Variants in SOX6 observed in about 807,000 individuals in gnomAD.
SOX6 encodes SRY-box transcription factor 6.
In SOX6, 11 loss-of-function variants were observed where a neutral mutation model predicts 97.8. That is an observed-to-expected ratio of 0.11 (90% confidence interval 0.07 to 0.19). The LOEUF (loss-of-function observed/expected upper bound fraction) is 0.19, where lower values mean the gene tolerates loss of function less well. Among genes scored for constraint, SOX6 ranks in the 10% least tolerant of loss-of-function variants. The pLI is 1.00. For missense variants in SOX6, 810 were observed against 1,039.5 expected (o/e 0.78, Z 3.04); for synonymous variants, 360 against 371.4 (o/e 0.97, Z 0.35).
chr11:16,356,692 G>A (rs2134368677), upstream of SOX6, among the ~76,000 whole-genome samples: 1 of 152,224 alleles, frequency 6.6e-6, no homozygotes, highest in Non-Finnish European at 1.5e-5. Context: ...TTTGACAGAT[G>A]AAATATAGAG....
intron 4 of SOX6, among the ~76,000 whole-genome samples, chr11:16,582,588 A>T (rs1347984361): frequency 6.6e-6 from 1 of 152,136 alleles, no homozygotes; most frequent in Non-Finnish European, 1.5e-5. Context: ...GTAAAATGAC[A>T]GAATTAGGAC....
intron 4 of SOX6, among the ~76,000 whole-genome samples, chr11:16,608,587 G>A (rs1848362550): frequency 6.6e-6 from 1 of 151,842 alleles, no homozygotes; most frequent in Admixed American, 6.5e-5. Context: ...AAACGATGGA[G>A]GAGGAGGCGT....
Position 16,427,510 on chromosome 11 carries a change from T to C in SOX6, c.-5+48805A>G, listed in dbSNP as rs530815016. ...CCCACCCCACAACAGGCCCAATGTG[T>C]GATGTTCCCCTTCCTGTGTCCATGT... On this transcript the variant is annotated intron_variant, in intron 1 of 15. Transcript: ENST00000396356. Among the ~76,000 whole-genome samples, 3 of 150,978 alleles carry C rather than the reference T, an allele frequency of 2.0e-5. No individual in the cohort carries two copies. The East Asian group carries it at 5.9e-4, about 30-fold the overall frequency.
chr11:16,009,404 C>T (rs941490479), intron 13 of SOX6, among the ~76,000 whole-genome samples: 5 of 151,970 alleles, frequency 3.3e-5, no homozygotes, highest in South Asian at 2.1e-4. Context: ...GATGGAACAA[C>T]CAGAATTTAA....
At chr11:16,650,968 A>C (rs1035102927) in intron 3 of SOX6, among the ~76,000 whole-genome samples, 3 of 152,154 alleles carry the variant, frequency 2.0e-5, no homozygotes. Flanking sequence ...AAAGAAATGC[A>C]AAAGATCATT....
intron 1 of SOX6, among the ~76,000 whole-genome samples, chr11:16,453,666 G>A (rs778530506): frequency 1.3e-5 from 2 of 152,084 alleles, no homozygotes; most frequent in Non-Finnish European, 2.9e-5. Flanking sequence ...TACAATTAGA[G>A]TTATATTGCT....
chr11:16,046,828 T>A, intron 11 of SOX6, 127 bp from the exon 12 acceptor site: 1 of 957,802 alleles, frequency 1.0e-6, no homozygotes, highest in Non-Finnish European at 1.6e-6. Flanking sequence ...TGCTATTTTT[T>A]AAACTATACG....
intron 3 of SOX6, among the ~76,000 whole-genome samples, chr11:16,711,864 C>G (rs1479985039): frequency 6.6e-6 from 1 of 152,012 alleles, no homozygotes; most frequent in East Asian, 1.9e-4. Context: ...TATCCCTCAT[C>G]CCCCTCTCAC....
At chr11:16,537,482 G>C (rs934434197) in intron 4 of SOX6, among the ~76,000 whole-genome samples, 3 of 152,190 alleles carry the variant, frequency 2.0e-5, no homozygotes, top group Non-Finnish European at 2.9e-5. Context: ...AGTTTGAAGA[G>C]TTGACAGAAG....
chr11:16,620,001 T>C (rs1848522114), intron 3 of SOX6, among the ~76,000 whole-genome samples: 1 of 152,116 alleles, frequency 6.6e-6, no homozygotes, highest in Admixed American at 6.6e-5. Flanking sequence ...TACATGAGCA[T>C]TACAATTTAT....
intron 1 of SOX6, among the ~76,000 whole-genome samples, chr11:16,449,364 C>T (rs1859675723): frequency 7.1e-6 from 1 of 141,572 alleles, no homozygotes; most frequent in Non-Finnish European, 1.5e-5. Context: ...GCCATCTCGG[C>T]TCACTGCAAG....
chr11:16,724,991 T>C (rs1216260067), intron 2 of SOX6, among the ~76,000 whole-genome samples: 2 of 152,176 alleles, frequency 1.3e-5, no homozygotes, highest in Non-Finnish European at 2.9e-5. Context: ...AACCATATGA[T>C]CCAGCAATTC....
intron 2 of SOX6, among the ~76,000 whole-genome samples, chr11:16,725,396 G>C (rs766615393): frequency 6.6e-6 from 1 of 151,858 alleles, no homozygotes; most frequent in African/African-American, 2.4e-5. Context: ...GTGGTGGTGC[G>C]CACCTATAGT....
intron 1 of SOX6, among the ~76,000 whole-genome samples, chr11:16,430,834 G>A (rs775058546): frequency 1.8e-4 from 28 of 152,122 alleles, no homozygotes; most frequent in Non-Finnish European, 2.9e-4. Flanking sequence ...CTTTTAACAC[G>A]GAAGTCAGAC....
At chr11:16,260,895 T>A (rs1214802849) in intron 3 of SOX6, among the ~76,000 whole-genome samples, 1 of 152,158 alleles carries the variant, frequency 6.6e-6, no homozygotes, top group East Asian at 1.9e-4. Flanking sequence ...TACACAGTCT[T>A]ATTGTACTGA....
chr11:16,215,282 T>C (rs1852342955), intron 4 of SOX6, among the ~76,000 whole-genome samples: 1 of 152,178 alleles, frequency 6.6e-6, no homozygotes, highest in African/African-American at 2.4e-5. Context: ...TTAATAGATT[T>C]CAGGGTGAGA....
chr11:16,506,608 C>A (rs2133147926), intron 4 of SOX6, among the ~76,000 whole-genome samples: 1 of 152,286 alleles, frequency 6.6e-6, no homozygotes, highest in South Asian at 2.1e-4. Flanking sequence ...GGGCCAAGGG[C>A]AGGATGATAT....
intron 15 of SOX6, among the ~76,000 whole-genome samples, chr11:15,975,915 A>G (rs1564888863): frequency 1.3e-5 from 2 of 152,184 alleles, no homozygotes; most frequent in Admixed American, 1.3e-4. Flanking sequence ...TTAAGCTGGT[A>G]ATGGAATGCT....
At chr11:16,670,197 A>T (rs1847837390) in intron 3 of SOX6, among the ~76,000 whole-genome samples, 1 of 152,144 alleles carries the variant, frequency 6.6e-6, no homozygotes, top group African/African-American at 2.4e-5. Flanking sequence ...CCACTGACAC[A>T]GTAACAGTTC....
Sources: gnomAD v4.1 joint callset for allele counts (sites outside exome capture counted in the v4.1 genomes callset) on GRCh38, gnomAD v4.1.1 for gene constraint, MANE v1.5 for transcripts, NCBI Gene and HGNC (gene_info 2026-07-23, HGNC 2026-07-21) for gene names.